Variants in SLC24A2 observed in about 807,000 individuals in gnomAD.
SLC24A2 encodes the protein solute carrier family 24 member 2, also known as sodium/potassium/calcium exchanger 2.
A neutral mutation model predicts 62.0 loss-of-function variants in SLC24A2; 36 were observed. The ratio of observed to expected loss-of-function variants is 0.58; its 90% CI spans 0.44 to 0.77. The LOEUF (loss-of-function observed/expected upper bound fraction) is 0.77. Among genes scored for constraint, SLC24A2 ranks in the 30% least tolerant of loss-of-function variants. The pLI, the probability that SLC24A2 is intolerant of heterozygous loss-of-function variation, is 0.00. For synonymous variants in SLC24A2, 358 were observed against 294.0 expected, an observed-to-expected ratio of 1.22 and a Z score of -2.23; for missense variants, 846 against 817.9, an observed-to-expected ratio of 1.03 and a Z score of -0.42.
the SLC24A2 span, among the ~76,000 whole-genome samples, chr9:20,296,243 C>A: frequency 6.6e-6 from 1 of 152,202 alleles, no homozygotes. Flanking sequence ...TGTTTCCAAA[C>A]TCAAAGATGT....
At chr9:19,546,576 G>C (rs1164269769) in intron 8 of SLC24A2, among the ~76,000 whole-genome samples, 1 of 152,152 alleles carries the variant, frequency 6.6e-6, no homozygotes, top group Non-Finnish European at 1.5e-5. Context: ...TCAGACTGTT[G>C]TGCTGGCAGC....
chr9:20,013,781 A>C, the SLC24A2 span, among the ~76,000 whole-genome samples: 1 of 152,208 alleles, frequency 6.6e-6, no homozygotes, highest in Non-Finnish European at 1.5e-5. Flanking sequence ...CAGAATAGAA[A>C]ATTTTCAAAA....
the SLC24A2 span, among the ~76,000 whole-genome samples, chr9:20,154,103 G>A: frequency 1.3e-5 from 2 of 151,814 alleles, no homozygotes; most frequent in Non-Finnish European, 2.9e-5. Context: ...TGTTACTCCA[G>A]TTGTTTGATT....
chr9:20,239,017 C>T, the SLC24A2 span, among the ~76,000 whole-genome samples: 11 of 152,148 alleles, frequency 7.2e-5, no homozygotes, highest in Admixed American at 6.5e-5. Context: ...TCACCAGAAA[C>T]TAAATTGGCT....
At chr9:19,546,670 C>T (rs752039615) in intron 8 of SLC24A2, among the ~76,000 whole-genome samples, 21 of 151,984 alleles carry the variant, frequency 1.4e-4, no homozygotes, top group East Asian at 7.7e-4. Flanking sequence ...TCCCTGCCTT[C>T]GGCCCCTTTT....
intron 2 of SLC24A2, among the ~76,000 whole-genome samples, chr9:19,739,295 A>C (rs1202551903): frequency 6.6e-6 from 1 of 152,248 alleles, no homozygotes; most frequent in Admixed American, 6.5e-5. Flanking sequence ...ATTATAGTTG[A>C]ATGCAATTCT....
At chr9:20,161,141 G>T in the SLC24A2 span, among the ~76,000 whole-genome samples, 256 of 151,402 alleles carry the variant, frequency 1.7e-3, 5 homozygotes, top group African/African-American at 5.8e-3. Flanking sequence ...AACTTAGATT[G>T]AATGCATAAA....
intron 2 of SLC24A2, among the ~76,000 whole-genome samples, chr9:19,676,584 GAGA>G (rs1449117498): frequency 1.3e-5 from 2 of 152,082 alleles, no homozygotes; most frequent in Admixed American, 6.6e-5. Flanking sequence ...TATATGGTAG[GAGA>G]AGTTCTTAAA....
chr9:19,964,948 C>T, the SLC24A2 span, among the ~76,000 whole-genome samples: 1 of 152,082 alleles, frequency 6.6e-6, no homozygotes, highest in Non-Finnish European at 1.5e-5. Context: ...AGGTGCCAGC[C>T]TACTCCTGAT....
the SLC24A2 span, among the ~76,000 whole-genome samples, chr9:20,148,117 G>A: frequency 6.6e-6 from 1 of 151,972 alleles, no homozygotes; most frequent in Non-Finnish European, 1.5e-5. Context: ...AGTTCTGCCT[G>A]ACTGTCCGGA....
At chr9:19,722,631 C>T (rs550976513) in intron 2 of SLC24A2, among the ~76,000 whole-genome samples, 3 of 143,436 alleles carry the variant, frequency 2.1e-5, no homozygotes, top group South Asian at 2.3e-4. Flanking sequence ...GAATTAGGTT[C>T]TCTGGGAAGT....
At chr9:19,762,178 G>A (rs968754427) in intron 2 of SLC24A2, among the ~76,000 whole-genome samples, 3 of 152,012 alleles carry the variant, frequency 2.0e-5, no homozygotes, top group Non-Finnish European at 4.4e-5. Flanking sequence ...TTGTAAATTT[G>A]TTGAAGTTCC....
At chr9:20,231,949 T>C in the SLC24A2 span, among the ~76,000 whole-genome samples, 1 of 152,222 alleles carries the variant, frequency 6.6e-6, no homozygotes, top group Non-Finnish European at 1.5e-5. Context: ...CATGAACGGT[T>C]GTTGAATTTT....
At chr9:19,649,869 G>C (rs573255739) in intron 2 of SLC24A2, among the ~76,000 whole-genome samples, 1 of 152,220 alleles carries the variant, frequency 6.6e-6, no homozygotes, top group African/African-American at 2.4e-5. Context: ...AATTAGGTCT[G>C]AATTCAGAGC....
At chr9:19,719,969 C>T (rs1475280209) in intron 2 of SLC24A2, among the ~76,000 whole-genome samples, 2 of 152,160 alleles carry the variant, frequency 1.3e-5, no homozygotes, top group African/African-American at 4.8e-5. Flanking sequence ...CTCTGAAGTC[C>T]TTCCAAATCC....
At chr9:20,203,742 T>C in the SLC24A2 span, among the ~76,000 whole-genome samples, 1 of 151,748 alleles carries the variant, frequency 6.6e-6, no homozygotes, top group Non-Finnish European at 1.5e-5. Flanking sequence ...AAGAAGAAAT[T>C]AGCTGGGTGT....
intron 2 of SLC24A2, among the ~76,000 whole-genome samples, chr9:19,625,696 T>C (rs904638480): frequency 7.3e-5 from 11 of 151,444 alleles, no homozygotes; most frequent in African/African-American, 2.7e-4. Context: ...CTTTTCTTTT[T>C]TTTTTTTGAG....
the SLC24A2 span, among the ~76,000 whole-genome samples, chr9:19,880,179 A>T: frequency 1.3e-5 from 2 of 152,304 alleles, no homozygotes; most frequent in African/African-American, 4.8e-5. Context: ...CAATGTTGTG[A>T]TGGCATGAGA....
chr9:19,703,442 C>G (rs1820416214), intron 2 of SLC24A2, among the ~76,000 whole-genome samples: 1 of 152,148 alleles, frequency 6.6e-6, no homozygotes, highest in African/African-American at 2.4e-5. Flanking sequence ...TTCCCTCTGT[C>G]ATTCATAATC....
Sources: gnomAD v4.1 joint callset for allele counts (sites outside exome capture counted in the v4.1 genomes callset) on GRCh38, gnomAD v4.1.1 for gene constraint, MANE v1.5 for transcripts, NCBI Gene and HGNC (gene_info 2026-07-23, HGNC 2026-07-21) for gene names.